USP16: variants seen among roughly 807,000 people sequenced by gnomAD.
USP16 encodes ubiquitin specific peptidase 16.
A neutral mutation model predicts 95.9 loss-of-function variants in USP16; 77 were observed. The ratio of observed to expected loss-of-function variants is 0.80; its 90% confidence interval spans 0.67 to 0.97. USP16 has a LOEUF of 0.97. USP16 is among the 50% of genes least tolerant of loss of function. USP16 has a pLI of 0.00. For synonymous variants in USP16, 303 were observed against 318.2 expected (o/e 0.95, Z 0.51); for missense variants, 943 against 959.9 (o/e 0.98, Z 0.23).
chr21:29,054,445 G>GT lies in USP16; in HGVS notation c.*258_*259insT. 1 of 441,788 alleles carries GT rather than the reference G, an allele frequency of 2.3e-6. No individual in the cohort carries two copies. The highest frequency in any genetic ancestry group is 4.0e-6 in the Non-Finnish European group (1 of 248,818). 27.4% of individuals were successfully genotyped at this position (441,788 alleles called of 1,614,324 possible). On this transcript the variant is annotated 3_prime_UTR_variant, in exon 18 of 18. Coordinates refer to ENST00000399976, the MANE Select transcript of USP16 (RefSeq NM_006447.3). The stretch of plus-strand genomic sequence containing the variant: ...TAAGTACTTTGTGTTTAATATATCT[G>GT]GGTGATGGATCACAACACATCAATA...
intron 3 of USP16, among the ~76,000 whole-genome samples, chr21:29,033,063 A>G (rs1052917091): frequency 6.6e-6 from 1 of 152,220 alleles, no homozygotes; most frequent in Non-Finnish European, 1.5e-5. Context: ...GAAAGGTTTA[A>G]TTGTAACCTT....
intron 3 of USP16, among the ~76,000 whole-genome samples, chr21:29,033,283 C>G (rs2085104317): frequency 6.6e-6 from 1 of 152,102 alleles, no homozygotes; most frequent in Admixed American, 6.5e-5. Context: ...CAAATGATCT[C>G]AAATGATGTT....
intron 13 of USP16, 139 bp downstream of exon 13, chr21:29,043,738 A>G (rs2085279524): frequency 2.4e-6 from 2 of 822,474 alleles, no homozygotes; most frequent in Non-Finnish European, 3.4e-6. Context: ...AATTTAGCTC[A>G]TTTAGTATTC....
chr21:29,051,052 A>G (rs764440447), intron 16 of USP16, among the ~76,000 whole-genome samples: 6 of 152,132 alleles, frequency 3.9e-5, no homozygotes, highest in Non-Finnish European at 7.4e-5. Flanking sequence ...AACCAGACTT[A>G]ATGATTGATT....
Position 29,027,880 on chromosome 21 carries a change from T to C in USP16, c.-34T>C. ...CTTTATCTTGTTTTCTAGATTGTTA[T>C]TTTGTGTCAGTAAGTAATCCATAAA... On this transcript the variant is annotated 5_prime_UTR_variant, in exon 2 of 18. Transcript: ENST00000399976. 1 of 1,612,688 alleles carries C rather than the reference T, an allele frequency of 6.2e-7. No homozygotes were observed. The highest frequency in any genetic ancestry group is 8.5e-7 in the Non-Finnish European group (1 of 1,178,942).
At chr21:29,031,371 T>A (rs2085074381) in intron 3 of USP16, among the ~76,000 whole-genome samples, 1 of 152,184 alleles carries the variant, frequency 6.6e-6, no homozygotes, top group African/African-American at 2.4e-5. Flanking sequence ...TAAGCTTATA[T>A]GTTAGGAAAT....
chr21:29,042,557 G>A (rs989578866), intron 12 of USP16, 29 bp downstream of exon 12: 38 of 1,572,210 alleles, frequency 2.4e-5, no homozygotes, highest in Non-Finnish European at 3.1e-5. Flanking sequence ...TTTTATTCAA[G>A]TAGATTTTTT....
chr21:29,033,092 T>A (rs564370367), intron 3 of USP16, among the ~76,000 whole-genome samples: 183 of 152,368 alleles, frequency 1.2e-3, no homozygotes, highest in Admixed American at 2.7e-3. Flanking sequence ...ATATGGTGAG[T>A]ATGAATATGC....
chr21:29,044,542 G>A (rs919373219), intron 13 of USP16, among the ~76,000 whole-genome samples: 8 of 149,924 alleles, frequency 5.3e-5, no homozygotes, highest in Non-Finnish European at 8.9e-5. Context: ...CTGCCTCCCA[G>A]GTTCAAGTGA....
chr21:29,028,679 G>A (rs1187852201), intron 2 of USP16, among the ~76,000 whole-genome samples: 2 of 152,130 alleles, frequency 1.3e-5, no homozygotes, highest in East Asian at 1.9e-4. Context: ...CAAGTGATCC[G>A]CTTCCTCAGC....
chr21:29,049,585 A>G (rs1306665170), intron 15 of USP16, among the ~76,000 whole-genome samples: 1 of 152,208 alleles, frequency 6.6e-6, no homozygotes, highest in Non-Finnish European at 1.5e-5. Flanking sequence ...TTTTTGAAAC[A>G]GTCTTGTTCT....
rs144762579 is a variant in USP16 at position 29,032,422 on chromosome 21, C to T, written c.240+1649C>T. Among the ~76,000 whole-genome samples the T allele has an allele frequency of 1.9e-3, 292 of 151,994 alleles. 2 individuals are homozygous for T. Among genetic ancestry groups the T allele is most frequent in the African/African-American group, 6.8e-3 (283 of 41,454 alleles). On this transcript the variant is annotated intron_variant, in intron 3 of 17. Transcript: ENST00000399976. The stretch of plus-strand genomic sequence containing the variant: ...AATTTTTGTATTTTTTCTAAAGATG[C>T]GGTTTTGGTATACTGCCCAGGCTGG...
intron 6 of USP16, 93 bp from the exon 7 acceptor site, chr21:29,038,242 A>G: frequency 1.3e-6 from 1 of 794,786 alleles, no homozygotes; most frequent in Non-Finnish European, 2.0e-6. Context: ...GTTGGTCATG[A>G]TTTTCTGTTT....
chr21:29,027,802 A>AT, intron 1 of USP16, 71 bp from the exon 2 acceptor site: 1 of 1,056,362 alleles, frequency 9.5e-7, no homozygotes, highest in South Asian at 1.3e-5. Flanking sequence ...GCTTAGTTAT[A>AT]TTACTGTCTC....
Position 29,042,052 on chromosome 21 carries a change from G to A in USP16, c.1070G>A (p.Arg357His), listed in dbSNP as rs780556874. ...KKKSMPSFVDRIFGGELTSMI... is the reference protein window; with the variant it reads ...KKKSMPSFVDHIFGGELTSMI... ...AAATCAATGCCAAGTTTTGTTGACCGCATCTTTGGTGGTGAACTAACTAGT... is the reference window on the plus strand; with the variant it reads ...AAATCAATGCCAAGTTTTGTTGACCACATCTTTGGTGGTGAACTAACTAGT... The change falls in exon 11 of 18, where the codon CGC becomes CAC. Residue 357 changes from arginine to histidine, a missense_variant. Physicochemically the swap from Arg to His is conservative, Grantham distance 29 (BLOSUM62 0). Transcript: ENST00000399976. The A allele has an allele frequency of 3.1e-5, 50 of 1,612,914 alleles. No individual in the cohort carries two copies. In the Admixed American group the frequency reaches 3.2e-4, roughly 10 times the overall value.
intron 14 of USP16, among the ~76,000 whole-genome samples, chr21:29,048,315 T>C (rs2085362190): frequency 6.6e-6 from 1 of 152,030 alleles, no homozygotes; most frequent in African/African-American, 2.4e-5. Flanking sequence ...ACTCCTAACC[T>C]CAAGTGATTT....
intron 13 of USP16, among the ~76,000 whole-genome samples, chr21:29,044,261 A>G (rs986001535): frequency 1.3e-5 from 2 of 151,828 alleles, no homozygotes; most frequent in African/African-American, 4.8e-5. Flanking sequence ...TATGACAAAG[A>G]TAAACATTTT....
At chr21:29,047,421 T>G in intron 14 of USP16, 100 bp downstream of exon 14, 2 of 1,273,734 alleles carry the variant, frequency 1.6e-6, no homozygotes, top group Non-Finnish European at 2.1e-6. Context: ...TTGGATGGCA[T>G]GAATAAGTGT....
chr21:29,038,487 A>G, intron 7 of USP16, 57 bp downstream of exon 7: 2 of 1,221,310 alleles, frequency 1.6e-6, no homozygotes, highest in Non-Finnish European at 2.4e-6. Flanking sequence ...TGTGTTTTCT[A>G]AATTATTTTA....
Sources: gnomAD v4.1 joint callset for allele counts (sites outside exome capture counted in the v4.1 genomes callset) on GRCh38, gnomAD v4.1.1 for gene constraint, MANE v1.5 for transcripts, NCBI Gene and HGNC (gene_info 2026-07-23, HGNC 2026-07-21) for gene names.